Variants in ALK observed in about 807,000 individuals in gnomAD.
ALK encodes the protein ALK tyrosine kinase receptor.
A neutral mutation model predicts 163.1 loss-of-function variants in ALK; 74 were observed. That is an observed-to-expected ratio of 0.45 (90% confidence interval 0.38 to 0.55). The LOEUF is 0.55. Ranked by LOEUF, ALK falls within the 20% of genes least tolerant of loss-of-function variation. ALK has a pLI of 0.00. For missense variants in ALK, 2,063 were observed against 2,105.3 expected, an observed-to-expected ratio of 0.98 and a Z score of 0.39; for synonymous variants, 960 against 843.2, an observed-to-expected ratio of 1.14 and a Z score of -2.40.
At chr2:29,338,163 C>T (rs1447385435) in intron 5 of ALK, among the ~76,000 whole-genome samples, 2 of 152,172 alleles carry the variant, frequency 1.3e-5, no homozygotes, top group African/African-American at 4.8e-5. Flanking sequence ...TGGGTGTCCT[C>T]ATGTCACACA....
chr2:29,391,450 G>A (rs1335534156), intron 4 of ALK, among the ~76,000 whole-genome samples: 2 of 152,024 alleles, frequency 1.3e-5, no homozygotes, highest in African/African-American at 4.8e-5. Context: ...ATAGGTGTGC[G>A]CCATCATGCC....
Position 29,618,895 on chromosome 2 carries a change from C to T in ALK, c.952+75955G>A, listed in dbSNP as rs181964189. On this transcript the variant is annotated intron_variant, in intron 3 of 28. Coordinates refer to ENST00000389048, the MANE Select transcript of ALK (RefSeq NM_004304.5). ...TTGGGAGGCTGAGGCAAAAGAATCC[C>T]TTGAACCTGGGAGGCGGAGGTTGCA... Among the ~76,000 whole-genome samples, 551 of 152,240 alleles carry T rather than the reference C, an allele frequency of 3.6e-3. 3 individuals are homozygous for T. The highest frequency in any genetic ancestry group is 0.013 in the African/African-American group (521 of 41,544).
At chr2:29,610,482 G>T (rs193117952) in intron 3 of ALK, among the ~76,000 whole-genome samples, 1 of 152,012 alleles carries the variant, frequency 6.6e-6, no homozygotes, top group East Asian at 1.9e-4. Flanking sequence ...CCTTTCATTC[G>T]AATCCCATGT....
intron 13 of ALK, among the ~76,000 whole-genome samples, chr2:29,234,669 G>A (rs1338291978): frequency 6.6e-6 from 1 of 152,128 alleles, no homozygotes; most frequent in East Asian, 1.9e-4. Context: ...GACAACACAG[G>A]TCGTTGTGGC....
intron 28 of ALK, among the ~76,000 whole-genome samples, chr2:29,196,030 G>C (rs1174246036): frequency 6.6e-6 from 1 of 152,162 alleles, no homozygotes; most frequent in Non-Finnish European, 1.5e-5. Context: ...CCACCCTCTT[G>C]GTGAGGGAGG....
intron 1 of ALK, among the ~76,000 whole-genome samples, chr2:29,885,976 C>T (rs867301110): frequency 6.6e-6 from 1 of 152,084 alleles, no homozygotes; most frequent in Non-Finnish European, 1.5e-5. Context: ...CCTTCTCTTC[C>T]ACCTCCTCCA....
chr2:29,920,588 C>A lies in ALK; in HGVS notation c.72G>T (p.Gly24=). Residue 24 remains glycine (G), a synonymous_variant, in exon 1 of 29, where the codon GGG becomes GGT. Coordinates refer to ENST00000389048, the MANE Select transcript of ALK (RefSeq NM_004304.5). ...CTGGGGAGCCCGCGCGCTGGCCGGT[C>A]CCCATCCCGGAGCCCACAGCTGCCG... ...LSTAAVGSGM[G]TGQRAGSPAA... is the part of the protein sequence containing the mutation. The A allele has an allele frequency of 6.4e-7, 1 of 1,574,672 alleles. No homozygotes were observed.
At chr2:29,811,345 T>C (rs900287862) in intron 1 of ALK, among the ~76,000 whole-genome samples, 1 of 152,146 alleles carries the variant, frequency 6.6e-6, no homozygotes, top group African/African-American at 2.4e-5. Context: ...CTCCCGTGAA[T>C]ACTTACAAAA....
Position 29,691,474 on chromosome 2 carries a change from T to C in ALK, c.952+3376A>G, listed in dbSNP as rs762157482. ...CTTAGTATTGCTAACTACTACCTGA[T>C]GCTAACAGTGATGACTTTTCAGAGC... On this transcript the variant is annotated intron_variant, in intron 3 of 28. Transcript: ENST00000389048. Among the ~76,000 whole-genome samples the C allele has an allele frequency of 1.2e-3, 176 of 152,194 alleles. 2 individuals carry two copies. Among genetic ancestry groups the C allele is most frequent in the Non-Finnish European group, 6.2e-4 (42 of 68,034 alleles).
chr2:29,513,342 C>T lies in ALK; in HGVS notation c.1154+18573G>A, dbSNP rs1436727515. ...CAGAACAGAGCCCTCAGAAATAATGCCGCATATCTACAACTATCTGATCTT... is the reference window on the plus strand; with the variant it reads ...CAGAACAGAGCCCTCAGAAATAATGTCGCATATCTACAACTATCTGATCTT... On this transcript the variant is annotated intron_variant, in intron 4 of 28. Coordinates refer to ENST00000389048, the MANE Select transcript of ALK (RefSeq NM_004304.5). Among the ~76,000 whole-genome samples, 11 of 141,058 alleles carry T rather than the reference C, an allele frequency of 7.8e-5. No homozygotes were observed. The East Asian group carries it at 8.5e-4, about 11-fold the overall frequency. 92.5% of individuals were successfully genotyped at this position (141,058 alleles called of 152,430 possible). A position where few individuals can be genotyped will look rare whatever the true frequency, so the allele number is the denominator to read the frequency against.
intron 4 of ALK, among the ~76,000 whole-genome samples, chr2:29,519,385 A>T (rs538001243): frequency 6.6e-6 from 1 of 152,230 alleles, no homozygotes; most frequent in Non-Finnish European, 1.5e-5. Context: ...AAGTTCTGCT[A>T]GCTAGATTAT....
intron 1 of ALK, among the ~76,000 whole-genome samples, chr2:29,818,617 A>C (rs1572404090): frequency 6.6e-6 from 1 of 152,258 alleles, no homozygotes; most frequent in East Asian, 1.9e-4. Flanking sequence ...ATTCCGTTGC[A>C]TAAGAAATAT....
intron 1 of ALK, among the ~76,000 whole-genome samples, chr2:29,807,301 G>A (rs1476778984): frequency 1.3e-5 from 2 of 152,232 alleles, no homozygotes; most frequent in South Asian, 2.1e-4. Flanking sequence ...AGCCAAGGGA[G>A]GGTGAATGAA....
At chr2:29,339,917 C>A (rs758195484) in intron 5 of ALK, among the ~76,000 whole-genome samples, 4 of 152,198 alleles carry the variant, frequency 2.6e-5, no homozygotes, top group Non-Finnish European at 5.9e-5. Flanking sequence ...GTAGGCCACC[C>A]GCAGGAAGGC....
Position 29,694,957 on chromosome 2 carries a change from T to C in ALK, c.845A>G (p.Asp282Gly), listed in dbSNP as rs2148289909. 6.2e-7 allele frequency: 1 copy of C among 1,614,026 alleles called. No individual in the cohort carries two copies. Among genetic ancestry groups the C allele is most frequent in the South Asian group, 1.1e-5 (1 of 91,068 alleles). Residue 282 changes from aspartate to glycine, a missense_variant, in exon 3 of 29, where the codon GAC (aspartate) becomes GGC (glycine). Physicochemically the swap from Asp to Gly is moderately conservative, Grantham distance 94 (BLOSUM62 -1). Transcript: ENST00000389048. ...CELEYSPPLH[D>G]LRNQSWSWRR... ...CCAGGACCAGCTCTGGTTCCTGAGGTCATGCAGTGGAGGGGAATACTCCAG... is the reference window on the plus strand; with the variant it reads ...CCAGGACCAGCTCTGGTTCCTGAGGCCATGCAGTGGAGGGGAATACTCCAG...
chr2:29,503,452 A>G (rs1472948658), intron 4 of ALK, among the ~76,000 whole-genome samples: 10 of 152,360 alleles, frequency 6.6e-5, no homozygotes, highest in East Asian at 1.9e-4. Flanking sequence ...GATATCTTTC[A>G]TCAGGGAAAT....
intron 3 of ALK, among the ~76,000 whole-genome samples, chr2:29,562,533 C>G (rs929436955): frequency 6.6e-6 from 1 of 152,124 alleles, no homozygotes; most frequent in African/African-American, 2.4e-5. Flanking sequence ...TACAGCAGGA[C>G]AATTACATTC....
intron 4 of ALK, among the ~76,000 whole-genome samples, chr2:29,508,023 T>A (rs553239512): frequency 6.6e-6 from 1 of 152,288 alleles, no homozygotes; most frequent in Admixed American, 6.5e-5. Flanking sequence ...TGCGTGAGTG[T>A]GGTTAGCCTG....
At chr2:29,303,016 G>C (rs1352283674) in intron 8 of ALK, among the ~76,000 whole-genome samples, 1 of 152,068 alleles carries the variant, frequency 6.6e-6, no homozygotes, top group Non-Finnish European at 1.5e-5. Context: ...AACAAAAATT[G>C]ACAATGGGGA....
Sources: gnomAD v4.1 joint callset for allele counts (sites outside exome capture counted in the v4.1 genomes callset) on GRCh38, gnomAD v4.1.1 for gene constraint, MANE v1.5 for transcripts, NCBI Gene and HGNC (gene_info 2026-07-23, HGNC 2026-07-21) for gene names.